The following KCNMA1 variants were observed in gnomAD, a reference collection of about 807,000 sequenced individuals.
KCNMA1 encodes the protein Calcium-activated potassium channel subunit alpha-1.
In KCNMA1, 29 loss-of-function variants were observed where a neutral mutation model predicts 140.0. The observed-to-expected ratio is 0.21, with a 90% CI of 0.15 to 0.28. The LOEUF is 0.28. KCNMA1 is among the 10% of genes least tolerant of loss of function. The pLI, the probability that KCNMA1 is intolerant of heterozygous loss-of-function variation, is 1.00. For synonymous variants in KCNMA1, 612 were observed against 611.9 expected (o/e 1.00, Z 0.00); for missense variants, 880 against 1,602.2 (o/e 0.55, Z 7.70).
At chr10:77,443,109 T>C (rs989345571) in intron 1 of KCNMA1, among the ~76,000 whole-genome samples, 1 of 152,012 alleles carries the variant, frequency 6.6e-6, no homozygotes, top group Admixed American at 6.5e-5. Context: ...GGAAATCAAG[T>C]GAAAGAAAAA....
intron 13 of KCNMA1, 114 bp downstream of exon 13, chr10:77,079,367 A>AGTGT (rs1395210317): frequency 4.7e-5 from 18 of 379,248 alleles, no homozygotes; most frequent in Admixed American, 3.2e-4. Flanking sequence ...TGGGCATGTG[A>AGTGT]GAGTGTGTGT....
chr10:77,295,740 C>CACTGCAG (rs1264356876), intron 2 of KCNMA1, among the ~76,000 whole-genome samples: 1 of 135,160 alleles, frequency 7.4e-6, no homozygotes, highest in Non-Finnish European at 1.5e-5. Flanking sequence ...GAGATTGCGC[C>CACTGCAG]ACTGCAGTCC....
intron 19 of KCNMA1, among the ~76,000 whole-genome samples, chr10:76,986,022 T>C (rs975114418): frequency 3.0e-4 from 45 of 152,170 alleles, no homozygotes; most frequent in African/African-American, 8.9e-4. Flanking sequence ...AGGGCCCCGG[T>C]AAATGAAAAA....
At chr10:77,318,239 C>T (rs1750188520) in intron 2 of KCNMA1, among the ~76,000 whole-genome samples, 1 of 152,146 alleles carries the variant, frequency 6.6e-6, no homozygotes, top group Non-Finnish European at 1.5e-5. Context: ...TAGGATTTTA[C>T]CTGCATTTTC....
rs138362440 is a variant in KCNMA1, at chr10:77,466,795, G to A, written c.379-62772C>T. Among the ~76,000 whole-genome samples, 196 of 152,180 alleles carry A rather than the reference G, an allele frequency of 1.3e-3. 2 individuals are homozygous for A. The highest frequency in any genetic ancestry group is 4.6e-3 in the African/African-American group (192 of 41,524). ...CTGTGACCACCCTTCACAGAACTGA[G>A]GGCTTGCCTGTTCTGTCACGTGGGA... On this transcript the variant is annotated intron_variant, in intron 1 of 27. Transcript: ENST00000286628.
intron 12 of KCNMA1, among the ~76,000 whole-genome samples, chr10:77,081,395 CATT>C (rs2096562772): frequency 6.6e-6 from 1 of 152,180 alleles, no homozygotes; most frequent in South Asian, 2.1e-4. Context: ...TCAGAAGTGA[CATT>C]GTACATTTCC....
chr10:77,018,288 T>C (rs575629198), intron 17 of KCNMA1, among the ~76,000 whole-genome samples: 1 of 152,234 alleles, frequency 6.6e-6, no homozygotes, highest in Non-Finnish European at 1.5e-5. Flanking sequence ...GCAATATTAC[T>C]GTTGAGCTGA....
At chr10:77,544,680 T>G (rs2060999467) in intron 1 of KCNMA1, among the ~76,000 whole-genome samples, 1 of 152,220 alleles carries the variant, frequency 6.6e-6, no homozygotes, top group African/African-American at 2.4e-5. Flanking sequence ...CCCGTCTTCC[T>G]GTTGAAGAGA....
chr10:77,556,776 C>G (rs2064653453), intron 1 of KCNMA1, among the ~76,000 whole-genome samples: 1 of 152,122 alleles, frequency 6.6e-6, no homozygotes, highest in Admixed American at 6.5e-5. Context: ...CCTCCGCACA[C>G]AATAGTCATT....
intron 1 of KCNMA1, among the ~76,000 whole-genome samples, chr10:77,439,535 C>T (rs1401662864): frequency 1.3e-5 from 2 of 152,144 alleles, no homozygotes; most frequent in East Asian, 1.9e-4. Flanking sequence ...TCTGATTTCT[C>T]CCCTGGCTCA....
chr10:76,966,659 C>T (rs2074064433), intron 20 of KCNMA1, among the ~76,000 whole-genome samples: 2 of 152,150 alleles, frequency 1.3e-5, no homozygotes, highest in Middle Eastern at 3.2e-3. Flanking sequence ...GCAACGGGTG[C>T]TTGGTAATTT....
chr10:76,975,093 C>T (rs184926054), intron 19 of KCNMA1, among the ~76,000 whole-genome samples: 3 of 152,242 alleles, frequency 2.0e-5, no homozygotes, highest in East Asian at 1.9e-4. Flanking sequence ...GACAGATCCA[C>T]GGCATTTCCT....
At chr10:77,411,676 C>T (rs536820726) in intron 1 of KCNMA1, among the ~76,000 whole-genome samples, 1 of 152,328 alleles carries the variant, frequency 6.6e-6, no homozygotes, top group African/African-American at 2.4e-5. Context: ...ATGAAGAGCA[C>T]TCAATTCATG....
intron 2 of KCNMA1, among the ~76,000 whole-genome samples, chr10:77,384,762 T>C (rs995002562): frequency 2.0e-5 from 3 of 152,230 alleles, no homozygotes; most frequent in African/African-American, 4.8e-5. Context: ...CCAAGCTGAC[T>C]TACAACTCAC....
chr10:77,070,966 C>T (rs1035780823), intron 14 of KCNMA1, among the ~76,000 whole-genome samples: 1 of 152,184 alleles, frequency 6.6e-6, no homozygotes, highest in African/African-American at 2.4e-5. Flanking sequence ...GTCAAAAGGT[C>T]ATATTCAGAG....
At chr10:77,338,827 G>C (rs1370426209) in intron 2 of KCNMA1, among the ~76,000 whole-genome samples, 1 of 152,188 alleles carries the variant, frequency 6.6e-6, no homozygotes, top group African/African-American at 2.4e-5. Flanking sequence ...CAGATCTAAA[G>C]CCCCTGTCTT....
At chr10:77,054,630 C>T (rs924016074) in intron 14 of KCNMA1, among the ~76,000 whole-genome samples, 1 of 152,220 alleles carries the variant, frequency 6.6e-6, no homozygotes, top group Non-Finnish European at 1.5e-5. Context: ...GCCATCAAGA[C>T]AGGACCCCTG....
intron 1 of KCNMA1, among the ~76,000 whole-genome samples, chr10:77,511,584 A>G (rs555406425): frequency 1.3e-5 from 2 of 152,356 alleles, no homozygotes; most frequent in East Asian, 3.9e-4. Flanking sequence ...CCTAGTTCAT[A>G]GAATTTCTGT....
chr10:77,202,994 C>A (rs1360595542), intron 3 of KCNMA1, among the ~76,000 whole-genome samples: 1 of 152,150 alleles, frequency 6.6e-6, no homozygotes, highest in African/African-American at 2.4e-5. Context: ...AAATGAATAT[C>A]CAGGAAGAGC....
Sources: allele counts gnomAD v4.1 joint callset (sites outside exome capture counted in the v4.1 genomes callset), GRCh38; gene constraint gnomAD v4.1.1; transcripts MANE v1.5; gene names NCBI Gene and HGNC (gene_info 2026-07-23, HGNC 2026-07-21).